SOX13: variants seen among roughly 807,000 people sequenced by gnomAD.
SOX13 encodes the protein transcription factor SOX-13.
Under a neutral mutation model 71.8 loss-of-function variants are expected in SOX13, and 28 were observed. The ratio of observed to expected loss-of-function variants is 0.39; its 90% CI spans 0.29 to 0.53. The LOEUF is 0.53. Ranked by LOEUF, SOX13 falls within the 20% of genes least tolerant of loss-of-function variation. SOX13 has a pLI of 0.70. For synonymous variants in SOX13, 309 were observed against 317.8 expected, an observed-to-expected ratio of 0.97 and a Z score of 0.29; for missense variants, 627 against 810.3, an observed-to-expected ratio of 0.77 and a Z score of 2.75.
chr1:204,116,723 AGT>A, intron 5 of SOX13, 44 bp downstream of exon 5: 1 of 1,606,284 alleles, frequency 6.2e-7, no homozygotes, highest in Non-Finnish European at 8.5e-7. Context: ...CAGGAAAAGG[AGT>A]GTGTCAGGAC....
chr1:204,079,496 C>T (rs1255462050), intron 1 of SOX13, among the ~76,000 whole-genome samples: 1 of 151,986 alleles, frequency 6.6e-6, no homozygotes, highest in Non-Finnish European at 1.5e-5. Flanking sequence ...CAGGCATGCG[C>T]CACCACGCCC....
chr1:204,115,072 C>T (rs1390814958), intron 4 of SOX13, among the ~76,000 whole-genome samples: 2 of 151,258 alleles, frequency 1.3e-5, no homozygotes, highest in East Asian at 3.9e-4. Flanking sequence ...AGTGCAGTGG[C>T]ACAATCTTGG....
chr1:204,091,084 T>C (rs1656132220), intron 1 of SOX13, among the ~76,000 whole-genome samples: 1 of 152,224 alleles, frequency 6.6e-6, no homozygotes, highest in South Asian at 2.1e-4. Context: ...TCTCTCATTG[T>C]CCTGCAAAAA....
chr1:204,104,548 C>T (rs1368895434), intron 1 of SOX13, among the ~76,000 whole-genome samples: 2 of 152,242 alleles, frequency 1.3e-5, no homozygotes, highest in African/African-American at 2.4e-5. Context: ...TCTCAGCTCT[C>T]TGGGGGCTTT....
At chr1:204,120,442 GC>G (rs1376672095) in intron 7 of SOX13, among the ~76,000 whole-genome samples, 1 of 152,210 alleles carries the variant, frequency 6.6e-6, no homozygotes, top group Non-Finnish European at 1.5e-5. Flanking sequence ...AATTAAGCAA[GC>G]AAGGTCCCTT....
rs73069939 is a variant in SOX13, at chr1:204,110,329, A to G, written c.-1-2586A>G. ...TCTTTTGTAGAGACAGGGTCTTGCT[A>G]TGTTGCTCATGCTAATGGGCAACAT... On this transcript the variant is annotated intron_variant, in intron 1 of 13. Coordinates refer to ENST00000367204, the MANE Select transcript of SOX13 (RefSeq NM_005686.3). 3.9e-3 allele frequency among the ~76,000 whole-genome samples: 547 copies of G among 139,098 alleles called. 4 individuals carry two copies. Among genetic ancestry groups the G allele is most frequent in the African/African-American group, 0.012 (483 of 39,258 alleles). 91.3% of individuals were successfully genotyped at this position (139,098 alleles called of 152,430 possible).
intron 5 of SOX13, 120 bp downstream of exon 5, chr1:204,116,799 G>C: frequency 6.6e-7 from 1 of 1,511,188 alleles, no homozygotes; most frequent in Non-Finnish European, 8.9e-7. Context: ...GGCAGGCTGG[G>C]CAGGGTCTGT....
intron 1 of SOX13, among the ~76,000 whole-genome samples, chr1:204,105,465 G>C (rs1156517991): frequency 1.3e-5 from 2 of 148,574 alleles, no homozygotes; most frequent in Non-Finnish European, 2.9e-5. Context: ...GAGTGCAGCA[G>C]TGCAATCTTG....
intron 1 of SOX13, among the ~76,000 whole-genome samples, chr1:204,107,067 C>G (rs1299687427): frequency 1.3e-5 from 2 of 152,176 alleles, no homozygotes; most frequent in Non-Finnish European, 2.9e-5. Context: ...CCAAGTCTGT[C>G]TGACCCTAGA....
At position 204,125,841 on chromosome 1, in the gene SOX13, C is replaced by T. The variant is rs371178877; in HGVS notation, c.1593-17C>T. On this transcript the variant is annotated splice_polypyrimidine_tract_variant and intron_variant, in intron 13 of 13. Coordinates refer to ENST00000367204, the MANE Select transcript of SOX13 (RefSeq NM_005686.3). ...TCAAGTGTGCATCCATCACCGTTCC[C>T]CTTCTCTGCCCCACAGCCCGCAGGC... is the stretch of plus-strand genomic sequence containing the variant. 15 of 1,602,476 alleles carry T rather than the reference C, an allele frequency of 9.4e-6. No homozygotes were observed. The African/African-American group carries it at 1.5e-4, about 16-fold the overall frequency.
chr1:204,087,287 A>AGT (rs1292946937), intron 1 of SOX13, among the ~76,000 whole-genome samples: 176 of 152,320 alleles, frequency 1.2e-3, no homozygotes, highest in Non-Finnish European at 2.0e-3. Context: ...CTGGGTAGAT[A>AGT]AGTCAGGCTG....
chr1:204,079,631 A>G (rs1420854979), intron 1 of SOX13, among the ~76,000 whole-genome samples: 1 of 149,090 alleles, frequency 6.7e-6, no homozygotes, highest in Non-Finnish European at 1.5e-5. Context: ...ACAGGTGAGA[A>G]CCACCGAGCC....
At chr1:204,084,527 T>A (rs1472596175) in intron 1 of SOX13, among the ~76,000 whole-genome samples, 1 of 152,004 alleles carries the variant, frequency 6.6e-6, no homozygotes, top group Non-Finnish European at 1.5e-5. Flanking sequence ...TGGAGCCCCA[T>A]GCTGGGAGCA....
At chr1:204,083,095 C>CT (rs1655941459) in intron 1 of SOX13, among the ~76,000 whole-genome samples, 2 of 152,316 alleles carry the variant, frequency 1.3e-5, no homozygotes, top group Admixed American at 1.3e-4. Context: ...TTTTGGCTAT[C>CT]TGTGTTACCC....
Position 204,115,492 on chromosome 1 carries a change from T to TAAAAA in SOX13, c.418+904_418+908dup, listed in dbSNP as rs71145062. ...CCGATGTTGTTTTTTTTTTTTTTTT[T>TAAAAA]AAAAAAAAAAAAAAAAAAAAAGGTC... On this transcript the variant is annotated intron_variant, in intron 4 of 13. Coordinates refer to ENST00000367204, the MANE Select transcript of SOX13 (RefSeq NM_005686.3). Among the ~76,000 whole-genome samples, 173 of 49,952 alleles carry TAAAAA rather than the reference T, an allele frequency of 3.5e-3. 2 individuals are homozygous for TAAAAA. Among genetic ancestry groups the TAAAAA allele is most frequent in the African/African-American group, 0.012 (164 of 13,846 alleles). The allele number at this position is 49,952 out of a possible 152,430, so 32.8% of individuals were successfully genotyped here.
intron 1 of SOX13, among the ~76,000 whole-genome samples, chr1:204,091,032 A>C (rs1656131426): frequency 6.6e-6 from 1 of 152,170 alleles, no homozygotes; most frequent in South Asian, 2.1e-4. Flanking sequence ...TCTGTCAGAG[A>C]ACTTTCAGAA....
Position 204,126,474 on chromosome 1 carries a change from G to A in SOX13, c.*340G>A. 1 of 315,846 alleles carries A rather than the reference G, an allele frequency of 3.2e-6. No homozygotes were observed. The highest frequency in any genetic ancestry group is 6.0e-6 in the Non-Finnish European group (1 of 167,702). 19.6% of individuals were successfully genotyped at this position (315,846 alleles called of 1,614,324 possible). On this transcript the variant is annotated 3_prime_UTR_variant, in exon 14 of 14. Coordinates refer to ENST00000367204, the MANE Select transcript of SOX13 (RefSeq NM_005686.3). ...TGGCATCTACCGACCTGTCTCCCTGGGGTCACATGCTTTGTTTCCATTCTT... is the reference window on the plus strand; with the variant it reads ...TGGCATCTACCGACCTGTCTCCCTGAGGTCACATGCTTTGTTTCCATTCTT...
At chr1:204,092,325 C>CT (rs928447366) in intron 1 of SOX13, among the ~76,000 whole-genome samples, 130 of 149,116 alleles carry the variant, frequency 8.7e-4, no homozygotes, top group Non-Finnish European at 1.3e-3. Context: ...ACTTTTTTTT[C>CT]TTTTTTTTTG....
chr1:204,089,486 C>T (rs1268844018), intron 1 of SOX13, among the ~76,000 whole-genome samples: 1 of 152,192 alleles, frequency 6.6e-6, no homozygotes, highest in Non-Finnish European at 1.5e-5. Context: ...TTTCTTGAGG[C>T]AGCGGGGCCT....
Sources: gnomAD v4.1 joint callset for allele counts (sites outside exome capture counted in the v4.1 genomes callset) on GRCh38, gnomAD v4.1.1 for gene constraint, MANE v1.5 for transcripts, NCBI Gene and HGNC (gene_info 2026-07-23, HGNC 2026-07-21) for gene names.